The following FBN1 variants were observed in gnomAD, a reference collection of about 807,000 sequenced individuals.
FBN1 encodes fibrillin 1.
Under a neutral mutation model 365.1 loss-of-function variants are expected in FBN1, and 29 were observed. That is an observed-to-expected ratio of 0.08 (90% CI 0.06 to 0.11). The LOEUF (loss-of-function observed/expected upper bound fraction) is 0.11. Ranked by LOEUF, FBN1 falls within the 10% of genes least tolerant of loss-of-function variation. The probability of loss-of-function intolerance (pLI) is 1.00; values close to 1 mark genes in which losing one functional copy is unlikely to be tolerated. For missense variants in FBN1, 2,476 were observed against 3,703.2 expected, an observed-to-expected ratio of 0.67 and a Z score of 8.60; for synonymous variants, 1,210 against 1,270.5, an observed-to-expected ratio of 0.95 and a Z score of 1.01.
At position 48,453,743 on chromosome 15, in the gene FBN1, T is replaced by C. The variant is rs142261560; in HGVS notation, c.5423-1059A>G. Among the ~76,000 whole-genome samples, 792 of 152,178 alleles carry C rather than the reference T, an allele frequency of 5.2e-3. 4 individuals are homozygous for C. Among genetic ancestry groups the C allele is most frequent in the African/African-American group, 0.018 (760 of 41,530 alleles). ...TGCTGATGATGGGGGAGGCTGTGCA[T>C]GTGTAGGGGTAGGGAATATATGATA... On this transcript the variant is annotated intron_variant, in intron 44 of 65. Transcript: ENST00000316623.
intron 2 of FBN1, among the ~76,000 whole-genome samples, chr15:48,613,882 C>T (rs2044676040): frequency 6.6e-6 from 1 of 152,108 alleles, no homozygotes; most frequent in Admixed American, 6.5e-5. Context: ...GAGCTGACAT[C>T]GCACCACTGC....
chr15:48,598,553 T>C (rs2044533616), intron 5 of FBN1, among the ~76,000 whole-genome samples: 1 of 152,150 alleles, frequency 6.6e-6, no homozygotes, highest in African/African-American at 2.4e-5. Context: ...CTCCTCTGCA[T>C]TTAAGCTCTA....
In FBN1 at chr15:48,425,729, A is replaced by G. The variant is rs375569743; in HGVS notation, c.7330+10T>C. 1 of 1,612,914 alleles carries G rather than the reference A, an allele frequency of 6.2e-7. No individual in the cohort carries two copies. Among genetic ancestry groups the G allele is most frequent in the African/African-American group, 1.3e-5 (1 of 74,846 alleles). On this transcript the variant is annotated intron_variant, in intron 59 of 65. Coordinates refer to ENST00000316623, the MANE Select transcript of FBN1 (RefSeq NM_000138.5). Reference sequence around the variant, plus strand: ...CACTTGAGGATAAGCCATCAGAAATAGACACTTACCTACACAGGAAGTCCC... The same window carrying G: ...CACTTGAGGATAAGCCATCAGAAATGGACACTTACCTACACAGGAAGTCCC...
intron 50 of FBN1, among the ~76,000 whole-genome samples, chr15:48,439,798 A>C (rs2043099102): frequency 6.6e-6 from 1 of 152,152 alleles, no homozygotes; most frequent in Non-Finnish European, 1.5e-5. Context: ...AAATGCACGA[A>C]GTCTTGAGTC....
chr15:48,481,432 C>T (rs757792382), intron 32 of FBN1, among the ~76,000 whole-genome samples: 5 of 152,106 alleles, frequency 3.3e-5, no homozygotes, highest in Non-Finnish European at 7.4e-5. Flanking sequence ...TTATTCAATA[C>T]ACCTTTTTCC....
chr15:48,595,852 C>A (rs2044511312), intron 6 of FBN1, among the ~76,000 whole-genome samples: 1 of 152,164 alleles, frequency 6.6e-6, no homozygotes, highest in African/African-American at 2.4e-5. Context: ...TCTACAGCCC[C>A]CAACAGGTCC....
At chr15:48,513,694 C>G (rs911232269) in intron 12 of FBN1, 26 bp from the exon 13 acceptor site, 8 of 1,613,316 alleles carry the variant, frequency 5.0e-6, no homozygotes, top group Non-Finnish European at 6.8e-6. Context: ...TATTTTAGTG[C>G]AAAATTACAT....
chr15:48,531,775 T>TA (rs2043975174), intron 8 of FBN1, among the ~76,000 whole-genome samples: 3 of 152,012 alleles, frequency 2.0e-5, no homozygotes, highest in Admixed American at 2.0e-4. Context: ...CTTACCAGAG[T>TA]AAGACAGGTC....
intron 41 of FBN1, among the ~76,000 whole-genome samples, 169 bp from the exon 42 acceptor site, chr15:48,463,409 T>A (rs1214196830): frequency 6.6e-6 from 1 of 152,206 alleles, no homozygotes; most frequent in East Asian, 1.9e-4. Context: ...TAGCTACCTA[T>A]GCTGCTACAA....
At chr15:48,515,627 A>C in intron 11 of FBN1, 100 bp from the exon 12 acceptor site, 1 of 1,503,972 alleles carries the variant, frequency 6.6e-7, no homozygotes, top group Non-Finnish European at 9.2e-7. Flanking sequence ...TCAGAAAGGA[A>C]AGAGGATACT....
At chr15:48,626,979 T>G (rs1402680355) in intron 2 of FBN1, among the ~76,000 whole-genome samples, 2 of 152,092 alleles carry the variant, frequency 1.3e-5, no homozygotes, top group African/African-American at 4.8e-5. Context: ...AAACTGAAAA[T>G]GTGAGAAGTG....
rs372438405 is a variant in FBN1, at chr15:48,623,778, A to G, written c.165-10686T>C. On this transcript the variant is annotated intron_variant, in intron 2 of 65. Transcript: ENST00000316623. ...GAGTAACTCACAGCACAAGCAGCACAAAGGTGTTGCATCAACAGTTTCATT... is the reference window on the plus strand; with the variant it reads ...GAGTAACTCACAGCACAAGCAGCACGAAGGTGTTGCATCAACAGTTTCATT... Among the ~76,000 whole-genome samples the G allele has an allele frequency of 4.7e-4, 72 of 152,344 alleles. No homozygotes were observed. In the East Asian group the frequency reaches 0.012, roughly 25 times the overall value.
intron 31 of FBN1, among the ~76,000 whole-genome samples, 161 bp downstream of exon 31, chr15:48,483,657 A>G (rs2043483399): frequency 6.6e-6 from 1 of 152,234 alleles, no homozygotes; most frequent in Non-Finnish European, 1.5e-5. Flanking sequence ...GCCACAAGAA[A>G]GCTCTCTTTG....
chr15:48,535,503 C>T (rs2044006314), intron 7 of FBN1, among the ~76,000 whole-genome samples: 1 of 152,216 alleles, frequency 6.6e-6, no homozygotes, highest in Admixed American at 6.5e-5. Context: ...TTCTCTCCAT[C>T]TCTTTGTTCA....
chr15:48,475,420 T>C (rs2043411168), intron 32 of FBN1, among the ~76,000 whole-genome samples: 1 of 152,160 alleles, frequency 6.6e-6, no homozygotes, highest in African/African-American at 2.4e-5. Flanking sequence ...AAAATTCTAT[T>C]GTCAACTTTA....
In FBN1 at chr15:48,513,573, T is replaced by C. The variant is rs1259324625; in HGVS notation, c.1564A>G (p.Thr522Ala). 6.2e-7 allele frequency: 1 copy of C among 1,614,032 alleles called. No homozygotes were observed. Among genetic ancestry groups the C allele is most frequent in the Non-Finnish European group, 8.5e-7 (1 of 1,179,928 alleles). The change falls in exon 13 of 66, where the codon ACA becomes GCA. Residue 522 changes from threonine to alanine, a missense_variant. Thr to Ala is a moderately conservative substitution (Grantham distance 58). Around this residue, in one of 5 missense-constraint regions of FBN1, gnomAD observed 1,780 missense variants for 2,840.8 expected, o/e 0.63. Transcript: ENST00000316623. ...TCQCRAGYQS[T>A]LTRTECRDID... ...CCTCGGCATTCTGTCCGCGTGAGTG[T>C]GCTCTGATATCCAGCTCGGCACTGA... is the stretch of plus-strand genomic sequence containing the variant.
At chr15:48,598,974 C>T (rs2044537159) in intron 5 of FBN1, among the ~76,000 whole-genome samples, 1 of 152,158 alleles carries the variant, frequency 6.6e-6, no homozygotes. Flanking sequence ...CCTGCACAAG[C>T]TCTTTCTGCC....
chr15:48,545,545 T>C (rs373956039), intron 6 of FBN1, among the ~76,000 whole-genome samples: 1 of 152,150 alleles, frequency 6.6e-6, no homozygotes, highest in South Asian at 2.1e-4. Context: ...AGTGCAATGA[T>C]GGTTGCCAGG....
intron 16 of FBN1, among the ~76,000 whole-genome samples, chr15:48,504,582 A>G (rs2043692918): frequency 6.6e-6 from 1 of 152,188 alleles, no homozygotes; most frequent in East Asian, 1.9e-4. Flanking sequence ...TTTTTCAACA[A>G]GTCTCATACT....
Sources: allele counts gnomAD v4.1 joint callset (sites outside exome capture counted in the v4.1 genomes callset), GRCh38; gene constraint gnomAD v4.1.1; regional missense constraint gnomAD v4.1.1; transcripts MANE v1.5; gene names NCBI Gene and HGNC (gene_info 2026-07-23, HGNC 2026-07-21).